The following PACRG variants were observed in gnomAD, a reference collection of about 807,000 sequenced individuals.
PACRG encodes the protein parkin coregulated gene protein.
PACRG carries 29 observed loss-of-function variants against 29.7 expected under a neutral mutation model. The ratio of observed to expected loss-of-function variants is 0.98; its 90% CI spans 0.73 to 1.33. PACRG has a LOEUF of 1.33. Among genes scored for constraint, PACRG ranks in the 40% most tolerant of loss-of-function variants. The probability of loss-of-function intolerance (pLI) is 0.00; values close to 1 mark genes in which losing one functional copy is unlikely to be tolerated. For missense variants in PACRG, 279 were observed against 316.2 expected, an observed-to-expected ratio of 0.88 and a Z score of 0.89; for synonymous variants, 116 against 118.7, an observed-to-expected ratio of 0.98 and a Z score of 0.15.
intron 2 of PACRG, among the ~76,000 whole-genome samples, chr6:162,924,279 A>AT (rs1164843266): frequency 6.6e-6 from 1 of 151,894 alleles, no homozygotes; most frequent in Non-Finnish European, 1.5e-5. Context: ...AGTTCTATGA[A>AT]TTTTTTGGTA....
intron 3 of PACRG, among the ~76,000 whole-genome samples, chr6:163,074,440 A>T (rs142931479): frequency 1.3e-5 from 2 of 152,264 alleles, no homozygotes; most frequent in African/African-American, 4.8e-5. Flanking sequence ...GTAAGCGGGG[A>T]TGGTTAGAAG....
intron 2 of PACRG, among the ~76,000 whole-genome samples, chr6:162,933,385 T>G (rs912885808): frequency 3.9e-5 from 6 of 152,158 alleles, no homozygotes; most frequent in Non-Finnish European, 5.9e-5. Context: ...AAGTCCAGTG[T>G]TTCTTGGTGA....
At chr6:162,968,767 G>T (rs1801264050) in intron 2 of PACRG, among the ~76,000 whole-genome samples, 1 of 152,064 alleles carries the variant, frequency 6.6e-6, no homozygotes. Flanking sequence ...TAAATTGATA[G>T]GCTGGGCGCG....
intron 4 of PACRG, among the ~76,000 whole-genome samples, chr6:163,272,698 A>C (rs1585389830): frequency 6.6e-6 from 1 of 152,214 alleles, no homozygotes; most frequent in East Asian, 1.9e-4. Flanking sequence ...TTATAAAGGC[A>C]GTATTTCACT....
At chr6:163,113,821 C>T (rs79151954) in intron 4 of PACRG, among the ~76,000 whole-genome samples, 1,928 of 151,998 alleles carry the variant, frequency 0.013, 83 homozygotes, top group Admixed American at 0.081. Context: ...ATAAAGGTCT[C>T]GGTAAAGGTA....
chr6:163,159,935 C>T (rs757421830), intron 4 of PACRG, among the ~76,000 whole-genome samples: 1 of 152,204 alleles, frequency 6.6e-6, no homozygotes. Flanking sequence ...ATGGACAACC[C>T]ACGCTCAGCC....
chr6:162,971,651 A>G (rs1291857690), intron 2 of PACRG, among the ~76,000 whole-genome samples: 2 of 152,218 alleles, frequency 1.3e-5, no homozygotes, highest in East Asian at 3.9e-4. Context: ...AGAAAATGTG[A>G]GTCAAAAGGA....
intron 3 of PACRG, among the ~76,000 whole-genome samples, chr6:163,086,310 CCTT>C (rs1813553243): frequency 6.6e-6 from 1 of 152,210 alleles, no homozygotes; most frequent in African/African-American, 2.4e-5. Context: ...TTCCTCCTCA[CCTT>C]CTCATGGTGA....
At chr6:162,917,900 C>A (rs545727700) in intron 2 of PACRG, among the ~76,000 whole-genome samples, 1 of 152,152 alleles carries the variant, frequency 6.6e-6, no homozygotes, top group Non-Finnish European at 1.5e-5. Context: ...TCTATGTCAT[C>A]ATTCTTGTCA....
chr6:162,744,509 T>TG (rs550150518), intron 1 of PACRG, among the ~76,000 whole-genome samples: 333 of 152,238 alleles, frequency 2.2e-3, no homozygotes, highest in Admixed American at 3.9e-3. Context: ...GTTGGAGGAT[T>TG]GCTTGAGCAC....
chr6:163,051,750 C>G (rs575182258), intron 2 of PACRG: 1 of 152,194 alleles, frequency 6.6e-6, no homozygotes, highest in Non-Finnish European at 1.5e-5. Flanking sequence ...TCTGATACTT[C>G]CTGGGGTCTC....
intron 2 of PACRG, among the ~76,000 whole-genome samples, chr6:162,921,215 C>T (rs909041184): frequency 2.0e-5 from 3 of 152,122 alleles, no homozygotes; most frequent in African/African-American, 4.8e-5. Context: ...CCAGGAGAGA[C>T]AGAGTGGGGA....
chr6:162,727,850 C>T (rs1779386989), upstream of PACRG: 4 of 629,972 alleles, frequency 6.3e-6, no homozygotes, highest in Admixed American at 6.0e-5. Flanking sequence ...AGTCGTAGTT[C>T]TAACGCGTAG....
intron 2 of PACRG, among the ~76,000 whole-genome samples, chr6:163,008,670 C>T (rs557022711): frequency 3.4e-5 from 5 of 148,168 alleles, no homozygotes; most frequent in Admixed American, 6.8e-5. Context: ...TCCGAGATAG[C>T]GGCTCAGCAC....
At chr6:163,004,766 A>C (rs1187043587) in intron 2 of PACRG, among the ~76,000 whole-genome samples, 1 of 142,600 alleles carries the variant, frequency 7.0e-6, no homozygotes, top group Non-Finnish European at 1.5e-5. Flanking sequence ...ATATCTGCAA[A>C]TTTAATCTAT....
At chr6:162,727,674 C>G (rs771236536), upstream of PACRG, 7 of 1,580,916 alleles carry the variant, frequency 4.4e-6, no homozygotes, top group Admixed American at 3.6e-5. Flanking sequence ...ATCATGGTCA[C>G]TGGGTAGGTG....
chr6:163,288,894 C>T (rs1393179247), intron 4 of PACRG, among the ~76,000 whole-genome samples: 3 of 152,154 alleles, frequency 2.0e-5, no homozygotes, highest in Non-Finnish European at 4.4e-5. Flanking sequence ...ATTGCATGTT[C>T]TTCAGGAGGG....
intron 2 of PACRG, among the ~76,000 whole-genome samples, chr6:162,852,005 GAGGAAGGAAGGA>G (rs749750362): frequency 2.6e-5 from 3 of 116,112 alleles, no homozygotes; most frequent in Non-Finnish European, 3.6e-5. Context: ...GGGAGGGAGG[GAGGAAGGAAGGA>G]AGGAAGGAAG....
In PACRG at chr6:163,260,743, C is replaced by T. The variant is rs114076779; in HGVS notation, c.614-54084C>T. Among the ~76,000 whole-genome samples, 1,236 of 152,278 alleles carry T rather than the reference C, an allele frequency of 8.1e-3. 19 individuals carry two copies. Among genetic ancestry groups the T allele is most frequent in the African/African-American group, 0.029 (1,195 of 41,554 alleles). On this transcript the variant is annotated intron_variant, in intron 4 of 4. Transcript: ENST00000366888. The stretch of plus-strand genomic sequence containing the variant: ...TTCTGAGATGGTTTCCTGTCTCCAA[C>T]TTCCTCTCCTGCTCTAGCAGCTGAA...
Sources: gnomAD v4.1 joint callset for allele counts (sites outside exome capture counted in the v4.1 genomes callset) on GRCh38, gnomAD v4.1.1 for gene constraint, MANE v1.5 for transcripts, NCBI Gene and HGNC (gene_info 2026-07-23, HGNC 2026-07-21) for gene names.